Variants in CNTN6 observed in about 807,000 individuals in gnomAD.
The protein encoded by CNTN6 is contactin 6, also known as contactin-6.
CNTN6 carries 137 observed loss-of-function variants against 122.8 expected under a neutral mutation model. That is an observed-to-expected ratio of 1.12 (90% CI 0.97 to 1.29). CNTN6 has a LOEUF of 1.29. Ranked by LOEUF, CNTN6 falls within the 50% of genes most tolerant of loss-of-function variation. CNTN6 has a pLI of 0.00. For missense variants in CNTN6, 1,634 were observed against 1,223.4 expected, an observed-to-expected ratio of 1.34 and a Z score of -5.01; for synonymous variants, 570 against 426.0, an observed-to-expected ratio of 1.34 and a Z score of -4.16.
chr3:1,259,195 A>G (rs1461982569), intron 4 of CNTN6, among the ~76,000 whole-genome samples: 1 of 152,042 alleles, frequency 6.6e-6, no homozygotes, highest in Non-Finnish European at 1.5e-5. Context: ...TTCTCATATT[A>G]TTTACTAAAA....
chr3:1,164,422 G>A (rs2093201259), intron 2 of CNTN6, among the ~76,000 whole-genome samples: 1 of 152,162 alleles, frequency 6.6e-6, no homozygotes, highest in South Asian at 2.1e-4. Flanking sequence ...ATTACATAAG[G>A]TCTTCCTCCT....
intron 1 of CNTN6, among the ~76,000 whole-genome samples, chr3:1,120,487 T>G (rs1287848980): frequency 6.6e-6 from 1 of 152,050 alleles, no homozygotes; most frequent in Non-Finnish European, 1.5e-5. Context: ...CTACATATTT[T>G]ACTTTGTAAA....
chr3:1,290,444 C>T (rs760027499), intron 5 of CNTN6, among the ~76,000 whole-genome samples: 14 of 151,948 alleles, frequency 9.2e-5, no homozygotes, highest in Non-Finnish European at 1.8e-4. Flanking sequence ...GTGAGGAGGA[C>T]GAGCTAAGGA....
intron 18 of CNTN6, 25 bp downstream of exon 18, chr3:1,383,201 T>G: frequency 1.2e-6 from 2 of 1,600,458 alleles, no homozygotes; most frequent in Non-Finnish European, 1.7e-6. Flanking sequence ...ACTCTGGTTT[T>G]CTTTGAGACT....
chr3:1,255,946 C>T (rs1375219041), intron 4 of CNTN6, among the ~76,000 whole-genome samples: 1 of 152,068 alleles, frequency 6.6e-6, no homozygotes, highest in Non-Finnish European at 1.5e-5. Context: ...AGACTAACCA[C>T]AATGGGGATC....
At chr3:1,330,039 G>C in intron 11 of CNTN6, 104 bp downstream of exon 11, 1 of 814,920 alleles carries the variant, frequency 1.2e-6, no homozygotes, top group South Asian at 2.9e-5. Context: ...TTATGATAAA[G>C]TCTCATTGGC....
At chr3:1,135,639 A>G (rs1317158007) in intron 1 of CNTN6, among the ~76,000 whole-genome samples, 1 of 152,198 alleles carries the variant, frequency 6.6e-6, no homozygotes, top group Non-Finnish European at 1.5e-5. Flanking sequence ...TATATATATT[A>G]GTTTCAATAA....
chr3:1,096,257 G>A (rs187821674), intron 1 of CNTN6, among the ~76,000 whole-genome samples: 158 of 152,162 alleles, frequency 1.0e-3, no homozygotes, highest in African/African-American at 3.7e-3. Context: ...CTTTTGTTGT[G>A]TGTGTGTGTG....
chr3:1,385,624 C>A lies in CNTN6; in HGVS notation c.2531C>A (p.Thr844Lys). 1 of 1,613,432 alleles carries A rather than the reference C, an allele frequency of 6.2e-7. No homozygotes were observed. Among genetic ancestry groups the A allele is most frequent in the Non-Finnish European group, 8.5e-7 (1 of 1,179,648 alleles). ...RVLGYEVLYW[T>K]DDSKESMIGK... ...TTTAATTATCAGGTCTTATACTGGACAGATGACTCCAAAGAATCCATGATA... is the reference window on the plus strand; with the variant it reads ...TTTAATTATCAGGTCTTATACTGGAAAGATGACTCCAAAGAATCCATGATA... The change falls in exon 20 of 23, where the codon ACA becomes AAA. Residue 844 changes from threonine to lysine, a missense_variant. Coordinates refer to ENST00000446702, the MANE Select transcript of CNTN6 (RefSeq NM_001289080.2).
chr3:1,310,309 T>C (rs569806552), intron 7 of CNTN6, among the ~76,000 whole-genome samples: 11 of 152,306 alleles, frequency 7.2e-5, no homozygotes, highest in Middle Eastern at 3.4e-3. Context: ...TCCTAGTTCA[T>C]TGAGAATTTT....
intron 1 of CNTN6, among the ~76,000 whole-genome samples, chr3:1,100,831 A>G (rs1314815814): frequency 1.3e-5 from 2 of 152,114 alleles, no homozygotes; most frequent in East Asian, 3.9e-4. Context: ...TAAGCTCTCA[A>G]AAAAATTTCA....
intron 5 of CNTN6, among the ~76,000 whole-genome samples, chr3:1,289,971 G>T (rs1169807493): frequency 2.0e-5 from 3 of 151,754 alleles, no homozygotes. Flanking sequence ...AATGCGCCCG[G>T]CGAGTTTTAT....
rs1479411530 is a variant in CNTN6, at chr3:1,356,364, A to C, written c.1492+3913A>C. 5.9e-5 allele frequency among the ~76,000 whole-genome samples: 9 copies of C among 151,848 alleles called. No individual in the cohort carries two copies. In the Admixed American group the frequency reaches 5.9e-4, roughly 10 times the overall value. On this transcript the variant is annotated intron_variant, in intron 12 of 22. Coordinates refer to ENST00000446702, the MANE Select transcript of CNTN6 (RefSeq NM_001289080.2). ...GAAAAGCATATCTAATGTGCAAATTAAGTTTATTGCTGCTCATTTAGTTGT... is the reference window on the plus strand; with the variant it reads ...GAAAAGCATATCTAATGTGCAAATTCAGTTTATTGCTGCTCATTTAGTTGT...
intron 1 of CNTN6, among the ~76,000 whole-genome samples, chr3:1,135,387 A>G (rs1019292737): frequency 2.0e-5 from 3 of 152,050 alleles, no homozygotes; most frequent in Non-Finnish European, 4.4e-5. Context: ...AAAAGGTCCA[A>G]TTGTCCAGGG....
Position 1,321,686 on chromosome 3 carries a change from G to A in CNTN6, c.798G>A (p.Gly266=). The A allele has an allele frequency of 6.2e-7, 1 of 1,611,520 alleles. No homozygotes were observed. The highest frequency in any genetic ancestry group is 8.5e-7 in the Non-Finnish European group (1 of 1,178,410). The change falls in exon 8 of 23, where the codon GGG becomes GGA. Residue 266 remains glycine, a synonymous_variant. Coordinates refer to ENST00000446702, the MANE Select transcript of CNTN6 (RefSeq NM_001289080.2). ...VPDISWRRLD[G]SPLPGKVKYS... is the part of the protein sequence containing the mutation. The stretch of plus-strand genomic sequence containing the variant: ...ATATTAGTTGGAGAAGGTTGGACGG[G>A]AGCCCGTTGCCAGGGAAAGTCAAGT...
At chr3:1,267,059 GCA>G (rs1244032492) in intron 4 of CNTN6, among the ~76,000 whole-genome samples, 1 of 150,002 alleles carries the variant, frequency 6.7e-6, no homozygotes, top group Non-Finnish European at 1.5e-5. Context: ...GGGACTACAG[GCA>G]CACACTGCCA....
intron 1 of CNTN6, among the ~76,000 whole-genome samples, chr3:1,147,080 A>T (rs2092738630): frequency 6.6e-6 from 1 of 152,090 alleles, no homozygotes. Flanking sequence ...ATCAAGAAAT[A>T]AAAATTTTAT....
intron 2 of CNTN6, among the ~76,000 whole-genome samples, chr3:1,161,260 GATAT>G (rs200977178): frequency 1.0e-5 from 1 of 99,848 alleles, no homozygotes; most frequent in Non-Finnish European, 1.9e-5. Flanking sequence ...ATATATATAT[GATAT>G]ATATATATAT....
chr3:1,220,921 C>T (rs2094199455), intron 3 of CNTN6, 108 bp downstream of exon 3: 7 of 1,190,846 alleles, frequency 5.9e-6, no homozygotes, highest in Non-Finnish European at 7.9e-6. Flanking sequence ...GTGTACAGCT[C>T]AAGGAATTTC....
Sources: gnomAD v4.1 joint callset for allele counts (sites outside exome capture counted in the v4.1 genomes callset) on GRCh38, gnomAD v4.1.1 for gene constraint, MANE v1.5 for transcripts, NCBI Gene and HGNC (gene_info 2026-07-23, HGNC 2026-07-21) for gene names.